The following PXDNL variants were observed in gnomAD, a reference collection of about 807,000 sequenced individuals.
PXDNL encodes the protein probable oxidoreductase PXDNL.
In PXDNL, 145 loss-of-function variants were observed where a neutral mutation model predicts 150.8. The observed-to-expected ratio is 0.96, with a 90% CI of 0.84 to 1.10. The LOEUF (loss-of-function observed/expected upper bound fraction) is 1.10, where lower values mean the gene tolerates loss of function less well. Among genes scored for constraint, PXDNL ranks in the 50% least tolerant of loss-of-function variants. The probability of loss-of-function intolerance (pLI) is 0.00; values close to 1 mark genes in which losing one functional copy is unlikely to be tolerated. For missense variants in PXDNL, 2,087 were observed against 1,873.9 expected, an observed-to-expected ratio of 1.11 and a Z score of -2.10; for synonymous variants, 757 against 725.7, an observed-to-expected ratio of 1.04 and a Z score of -0.69.
chr8:51,592,602 ATTG>A (rs1813468335), intron 3 of PXDNL, 22 bp downstream of exon 3: 4 of 1,417,256 alleles, frequency 2.8e-6, no homozygotes, highest in Non-Finnish European at 3.9e-6. Flanking sequence ...ACCATAAGGC[ATTG>A]TTGTTTTTTC....
In PXDNL at chr8:51,777,498, T is replaced by C. The variant is rs536962847; in HGVS notation, c.164+31683A>G. ...CATTCACAGAAAGTGGTCCACTTAT[T>C]TTCCAAGTTTATGTTCAGTTCTCAA... is the stretch of plus-strand genomic sequence containing the variant. On this transcript the variant is annotated intron_variant, in intron 1 of 22. Transcript: ENST00000356297. 3.3e-5 allele frequency among the ~76,000 whole-genome samples: 5 copies of C among 152,364 alleles called. No homozygotes were observed. In the East Asian group the frequency reaches 7.7e-4, roughly 23 times the overall value.
At chr8:51,775,405 A>T (rs990680056) in intron 1 of PXDNL, among the ~76,000 whole-genome samples, 11 of 152,234 alleles carry the variant, frequency 7.2e-5, no homozygotes, top group African/African-American at 2.7e-4. Flanking sequence ...AACATTTTCA[A>T]GTCCACATGG....
chr8:51,539,034 C>G (rs760747120), intron 4 of PXDNL, among the ~76,000 whole-genome samples: 13 of 152,090 alleles, frequency 8.5e-5, no homozygotes, highest in Non-Finnish European at 2.9e-5. Context: ...AAGCAGACAT[C>G]TTTTCCTTGT....
intron 5 of PXDNL, among the ~76,000 whole-genome samples, chr8:51,495,906 G>A (rs1811036713): frequency 6.6e-6 from 1 of 151,950 alleles, no homozygotes; most frequent in Admixed American, 6.5e-5. Context: ...CAGAAAAAGA[G>A]GGAATCCTCT....
In PXDNL at chr8:51,408,756, G is replaced by C. The variant is rs144898250; in HGVS notation, c.2868C>G (p.Ala956=). The change falls in exon 17 of 23, where the codon GCC becomes GCG. Residue 956 remains alanine (A), a synonymous_variant. Transcript: ENST00000356297. The part of the protein sequence containing the change: ...RQEQESPCFL[A]GDHRANEHLA... Reference sequence around the variant, plus strand: ...GATGCTCGTTGGCCCGGTGGTCCCCGGCCAGGAAACAGGGGCTCTCCTGCT... The same window carrying C: ...GATGCTCGTTGGCCCGGTGGTCCCCCGCCAGGAAACAGGGGCTCTCCTGCT... 2 of 1,584,982 alleles carry C rather than the reference G, an allele frequency of 1.3e-6. No homozygotes were observed. Among genetic ancestry groups the C allele is most frequent in the Admixed American group, 1.8e-5 (1 of 56,456 alleles).
intron 1 of PXDNL, among the ~76,000 whole-genome samples, chr8:51,733,812 A>AATATATATATATAT (rs9298461): frequency 5.8e-5 from 8 of 138,392 alleles, no homozygotes; most frequent in African/African-American, 1.9e-4. Flanking sequence ...TGTCTCAAAT[A>AATATATATATATAT]ATATATATAT....
At chr8:51,453,901 T>G in intron 9 of PXDNL, 116 bp from the exon 10 acceptor site, 1 of 864,290 alleles carries the variant, frequency 1.2e-6, no homozygotes, top group Non-Finnish European at 1.7e-6. Flanking sequence ...TAAACTAAAA[T>G]ATTACACATA....
intron 1 of PXDNL, among the ~76,000 whole-genome samples, chr8:51,765,591 G>T (rs929678837): frequency 8.6e-5 from 13 of 151,902 alleles, no homozygotes; most frequent in African/African-American, 2.9e-4. Flanking sequence ...AATGCATTCT[G>T]CCAATCTCTG....
chr8:51,632,241 A>G (rs965040659), intron 2 of PXDNL, among the ~76,000 whole-genome samples: 4 of 152,208 alleles, frequency 2.6e-5, no homozygotes, highest in Non-Finnish European at 5.9e-5. Flanking sequence ...TAGACAGAAG[A>G]TAAATAACAA....
intron 21 of PXDNL, among the ~76,000 whole-genome samples, chr8:51,331,826 C>T (rs1026325256): frequency 3.3e-5 from 5 of 152,088 alleles, no homozygotes; most frequent in South Asian, 4.2e-4. Flanking sequence ...CCCACAGCAG[C>T]GCAGCAAGAC....
At chr8:51,461,010 C>T (rs1383581030) in intron 8 of PXDNL, among the ~76,000 whole-genome samples, 2 of 152,138 alleles carry the variant, frequency 1.3e-5, no homozygotes, top group Admixed American at 1.3e-4. Flanking sequence ...CACCCAGCTG[C>T]TCCCATAAAA....
chr8:51,329,570 C>T (rs1265885816), intron 21 of PXDNL, among the ~76,000 whole-genome samples: 4 of 152,112 alleles, frequency 2.6e-5, no homozygotes, highest in Admixed American at 2.6e-4. Context: ...ACATGAGACA[C>T]AGATGTTGAA....
chr8:51,330,079 A>T (rs949377837), intron 21 of PXDNL, among the ~76,000 whole-genome samples: 1 of 152,166 alleles, frequency 6.6e-6, no homozygotes, highest in African/African-American at 2.4e-5. Context: ...TTTTTGTTCC[A>T]TTCAGGCCTG....
At chr8:51,654,136 C>T (rs1205793416) in intron 2 of PXDNL, among the ~76,000 whole-genome samples, 1 of 152,204 alleles carries the variant, frequency 6.6e-6, no homozygotes, top group African/African-American at 2.4e-5. Context: ...ATAATAGATA[C>T]TGTTAAGTGA....
At chr8:51,619,886 G>T (rs1473629353) in intron 2 of PXDNL, among the ~76,000 whole-genome samples, 4 of 152,084 alleles carry the variant, frequency 2.6e-5, no homozygotes, top group African/African-American at 9.7e-5. Context: ...TTTCCACCCA[G>T]CTGCTCATTT....
chr8:51,699,951 G>A (rs1816218205), intron 1 of PXDNL, among the ~76,000 whole-genome samples: 2 of 152,008 alleles, frequency 1.3e-5, no homozygotes, highest in Admixed American at 1.3e-4. Context: ...ACTGACCACA[G>A]ACCACCATGA....
At chr8:51,351,339 G>C (rs79488987) in intron 19 of PXDNL, among the ~76,000 whole-genome samples, 3,409 of 152,230 alleles carry the variant, frequency 0.022, 109 homozygotes, top group African/African-American at 0.078. Context: ...CATGATTAAT[G>C]CCCTTATAAA....
chr8:51,773,215 A>C (rs1585739711), intron 1 of PXDNL, among the ~76,000 whole-genome samples: 1 of 152,236 alleles, frequency 6.6e-6, no homozygotes, highest in African/African-American at 2.4e-5. Context: ...TTTAATCCTC[A>C]TGACAAACAA....
chr8:51,719,632 A>T (rs1351922231), intron 1 of PXDNL, among the ~76,000 whole-genome samples: 1 of 151,366 alleles, frequency 6.6e-6, no homozygotes, highest in Non-Finnish European at 1.5e-5. Context: ...CCCAAGAATG[A>T]TCAATTTAAA....
Sources: allele counts gnomAD v4.1 joint callset (sites outside exome capture counted in the v4.1 genomes callset), GRCh38; gene constraint gnomAD v4.1.1; transcripts MANE v1.5; gene names NCBI Gene and HGNC (gene_info 2026-07-23, HGNC 2026-07-21).